RBFOX1: variants seen among roughly 807,000 people sequenced by gnomAD.
The protein encoded by RBFOX1 is RNA binding fox-1 homolog 1, also known as RNA binding protein fox-1 homolog 1.
In RBFOX1, 8 loss-of-function variants were observed where a neutral mutation model predicts 57.7. That is an observed-to-expected ratio of 0.14 (90% confidence interval 0.08 to 0.25). The LOEUF (loss-of-function observed/expected upper bound fraction) is 0.25. Among genes scored for constraint, RBFOX1 ranks in the 10% least tolerant of loss-of-function variants. RBFOX1 has a pLI of 1.00. For missense variants in RBFOX1, 611 were observed against 548.5 expected (o/e 1.11, Z -1.14); for synonymous variants, 326 against 222.4 (o/e 1.47, Z -4.15).
chr16:6,880,469 C>A (rs1334196919), intron 3 of RBFOX1, among the ~76,000 whole-genome samples: 18 of 152,124 alleles, frequency 1.2e-4, no homozygotes, highest in African/African-American at 2.4e-5. Flanking sequence ...GGTCATTGGT[C>A]CAAGGTGGAC....
At chr16:5,490,705 G>T (rs1325877609) in intron 2 of RBFOX1, among the ~76,000 whole-genome samples, 2 of 152,192 alleles carry the variant, frequency 1.3e-5, no homozygotes, top group Non-Finnish European at 2.9e-5. Flanking sequence ...TGGCCAGGCG[G>T]ATTCCCGTGG....
At chr16:5,815,047 G>C (rs1157349147) in intron 3 of RBFOX1, among the ~76,000 whole-genome samples, 2 of 151,562 alleles carry the variant, frequency 1.3e-5, no homozygotes, top group East Asian at 3.9e-4. Context: ...GCAGTGGCAT[G>C]ATTCTAGCTC....
intron 3 of RBFOX1, among the ~76,000 whole-genome samples, chr16:6,674,722 T>C (rs1197925805): frequency 6.6e-6 from 1 of 151,934 alleles, no homozygotes; most frequent in African/African-American, 2.4e-5. Context: ...GAGATGCACA[T>C]ACAAGCCAAG....
intron 2 of RBFOX1, among the ~76,000 whole-genome samples, chr16:6,557,094 C>T (rs201330923): frequency 7.0e-6 from 1 of 143,754 alleles, no homozygotes; most frequent in Non-Finnish European, 1.5e-5. Flanking sequence ...CATACATATA[C>T]ATATATACAT....
chr16:7,080,145 A>G (rs1319513823), intron 4 of RBFOX1, among the ~76,000 whole-genome samples: 1 of 150,670 alleles, frequency 6.6e-6, no homozygotes, highest in Non-Finnish European at 1.5e-5. Context: ...TACTATATCA[A>G]TATTATTCCT....
At chr16:6,647,447 C>G (rs945304618) in intron 2 of RBFOX1, among the ~76,000 whole-genome samples, 1 of 152,062 alleles carries the variant, frequency 6.6e-6, no homozygotes. Context: ...GGGGTTTCAC[C>G]TTGTTGGCCA....
At chr16:7,073,821 C>T (rs2057807655) in intron 4 of RBFOX1, among the ~76,000 whole-genome samples, 1 of 152,102 alleles carries the variant, frequency 6.6e-6, no homozygotes, top group Non-Finnish European at 1.5e-5. Context: ...TTCATGACTG[C>T]ACTCCAGCCT....
chr16:5,306,219 A>C (rs1289797893), intron 1 of RBFOX1, among the ~76,000 whole-genome samples: 1 of 152,218 alleles, frequency 6.6e-6, no homozygotes. Flanking sequence ...AAATAAATAA[A>C]GATAATGGTG....
chr16:7,701,885 A>T (rs1360483631), intron 14 of RBFOX1, among the ~76,000 whole-genome samples: 1 of 152,174 alleles, frequency 6.6e-6, no homozygotes, highest in African/African-American at 2.4e-5. Context: ...ACATCCAAGT[A>T]GTTATGTTAA....
At chr16:7,247,400 A>AC (rs1470720558) in intron 4 of RBFOX1, among the ~76,000 whole-genome samples, 1 of 151,980 alleles carries the variant, frequency 6.6e-6, no homozygotes, top group Non-Finnish European at 1.5e-5. Context: ...AGGAGCAAAT[A>AC]CTCCTCTATG....
chr16:6,034,287 G>T (rs995276592), intron 1 of RBFOX1, among the ~76,000 whole-genome samples: 3 of 125,896 alleles, frequency 2.4e-5, no homozygotes, highest in Non-Finnish European at 4.7e-5. Context: ...AGCTGAGATT[G>T]CGCCACTGCA....
intron 4 of RBFOX1, among the ~76,000 whole-genome samples, chr16:7,067,460 T>C (rs867961361): frequency 6.5e-4 from 99 of 152,024 alleles, no homozygotes; most frequent in African/African-American, 2.3e-3. Flanking sequence ...TTTTTTTTTT[T>C]ATCATTCTGA....
At chr16:7,276,569 T>C (rs1949372371) in intron 4 of RBFOX1, among the ~76,000 whole-genome samples, 1 of 152,094 alleles carries the variant, frequency 6.6e-6, no homozygotes, top group Non-Finnish European at 1.5e-5. Flanking sequence ...TTTTTAAATT[T>C]TTCTGCCTCC....
chr16:6,930,516 T>A lies in RBFOX1; in HGVS notation c.-15-121541T>A, dbSNP rs570213982. On this transcript the variant is annotated intron_variant, in intron 3 of 15. Coordinates refer to ENST00000550418, the MANE Select transcript of RBFOX1 (RefSeq NM_018723.4). Reference sequence around the variant, plus strand: ...CCTCTGCCTTCTGGGTTCAGGTGATTCTCCTGCCTCAGCCTCCCAAGCAGT... The same window carrying A: ...CCTCTGCCTTCTGGGTTCAGGTGATACTCCTGCCTCAGCCTCCCAAGCAGT... Among the ~76,000 whole-genome samples, 6 of 152,140 alleles carry A rather than the reference T, an allele frequency of 3.9e-5. No individual in the cohort carries two copies. The South Asian group carries it at 1.2e-3, about 32-fold the overall frequency.
At chr16:7,262,641 T>C (rs1003122736) in intron 4 of RBFOX1, among the ~76,000 whole-genome samples, 11 of 152,382 alleles carry the variant, frequency 7.2e-5, no homozygotes, top group Non-Finnish European at 1.3e-4. Flanking sequence ...CTTTGATAGC[T>C]GTCTCAAATA....
rs931266850 is a variant in RBFOX1, at chr16:7,119,128, G to T, written c.27+67030G>T. ...TCTAGGCAAGTGTTGCAATGTATGT[G>T]TGCTCTTGATCTGAGGAAGACCATG... On this transcript the variant is annotated intron_variant, in intron 4 of 15. Coordinates refer to ENST00000550418, the MANE Select transcript of RBFOX1 (RefSeq NM_018723.4). 2.0e-5 allele frequency among the ~76,000 whole-genome samples: 3 copies of T among 152,132 alleles called. No individual in the cohort carries two copies. The East Asian group carries it at 5.8e-4, about 29-fold the overall frequency.
chr16:7,182,372 C>G (rs923599169), intron 4 of RBFOX1, among the ~76,000 whole-genome samples: 4 of 152,202 alleles, frequency 2.6e-5, no homozygotes, highest in African/African-American at 9.6e-5. Context: ...GAAGCCCCCT[C>G]TCTTCATGAA....
At chr16:5,453,541 G>A (rs117187991) in intron 1 of RBFOX1, among the ~76,000 whole-genome samples, 3,664 of 152,194 alleles carry the variant, frequency 0.024, 69 homozygotes, top group Middle Eastern at 0.034. Context: ...CCCCACATGG[G>A]TCAGGTGTTG....
intron 3 of RBFOX1, among the ~76,000 whole-genome samples, chr16:5,656,691 G>A (rs1363823331): frequency 6.6e-6 from 1 of 152,178 alleles, no homozygotes; most frequent in Non-Finnish European, 1.5e-5. Context: ...CTTAGAAATA[G>A]TCTTCTCTTC....
Sources: allele counts gnomAD v4.1 joint callset (sites outside exome capture counted in the v4.1 genomes callset), GRCh38; gene constraint gnomAD v4.1.1; transcripts MANE v1.5; gene names NCBI Gene and HGNC (gene_info 2026-07-23, HGNC 2026-07-21).